Variants in PCDHA4 observed in about 807,000 individuals in gnomAD.
PCDHA4 encodes the protein protocadherin alpha 4.
In PCDHA4, 49 loss-of-function variants were observed where a neutral mutation model predicts 61.4. The observed-to-expected ratio is 0.80, with a 90% CI of 0.63 to 1.01. The LOEUF (loss-of-function observed/expected upper bound fraction) is 1.01, where lower values mean the gene tolerates loss of function less well. Among genes scored for constraint, PCDHA4 ranks in the 50% least tolerant of loss-of-function variants. The pLI, the probability that PCDHA4 is intolerant of heterozygous loss-of-function variation, is 0.00. For missense variants in PCDHA4, 1,254 were observed against 1,235.8 expected, an observed-to-expected ratio of 1.01 and a Z score of -0.22; for synonymous variants, 590 against 550.3, an observed-to-expected ratio of 1.07 and a Z score of -1.01.
intron 1 of PCDHA4, among the ~76,000 whole-genome samples, chr5:140,888,454 A>G (rs1167294283): frequency 6.6e-6 from 1 of 152,234 alleles, no homozygotes; most frequent in Non-Finnish European, 1.5e-5. Context: ...ATAAAGAATT[A>G]GCTCAAAATG....
intron 1 of PCDHA4, chr5:140,883,197 TC>T: frequency 6.2e-7 from 1 of 1,613,904 alleles, no homozygotes; most frequent in Admixed American, 1.7e-5. Context: ...AAACTAGATT[TC>T]GAAGAAAAGA....
chr5:140,818,627 A>C (rs1301617246), intron 1 of PCDHA4, among the ~76,000 whole-genome samples: 8 of 152,204 alleles, frequency 5.3e-5, no homozygotes, highest in African/African-American at 1.9e-4. Context: ...GCTTGAGCCC[A>C]GGAGTTCAAG....
At chr5:140,928,074 C>T (rs781992001) in intron 1 of PCDHA4, 1 of 1,614,216 alleles carries the variant, frequency 6.2e-7, no homozygotes, top group Admixed American at 1.7e-5. Flanking sequence ...TTGACAACTA[C>T]TACAGCCTGC....
chr5:140,961,027 C>G (rs1222428259), intron 1 of PCDHA4, among the ~76,000 whole-genome samples: 1 of 152,164 alleles, frequency 6.6e-6, no homozygotes, highest in Non-Finnish European at 1.5e-5. Flanking sequence ...CTTGCTACCT[C>G]CTTGTTTTGA....
intron 1 of PCDHA4, among the ~76,000 whole-genome samples, chr5:140,962,596 T>C (rs2095694957): frequency 6.6e-6 from 1 of 152,218 alleles, no homozygotes; most frequent in South Asian, 2.1e-4. Flanking sequence ...TTGACTGATA[T>C]ATTTCTTCTG....
intron 1 of PCDHA4, chr5:140,822,176 G>A (rs2150114361): frequency 6.2e-7 from 1 of 1,614,274 alleles, no homozygotes; most frequent in East Asian, 2.2e-5. Context: ...AGGTTCTCCA[G>A]ACAAGAACAA....
At chr5:141,005,442 G>A (rs529691807) in intron 3 of PCDHA4, among the ~76,000 whole-genome samples, 39 of 152,092 alleles carry the variant, frequency 2.6e-4, no homozygotes, top group Middle Eastern at 3.4e-3. Context: ...AGAGGCTCAC[G>A]CCTGTAATCC....
At chr5:140,869,615 G>A (rs373081906) in intron 1 of PCDHA4, 4 of 1,613,740 alleles carry the variant, frequency 2.5e-6, no homozygotes, top group East Asian at 4.5e-5. Flanking sequence ...TTGACCTACA[G>A]GCTAAGTAAA....
intron 1 of PCDHA4, chr5:140,836,284 C>T (rs2150256843): frequency 6.2e-7 from 1 of 1,613,808 alleles, no homozygotes; most frequent in South Asian, 1.1e-5. Context: ...ATCAGCACGA[C>T]ACGAGCCCTA....
chr5:140,850,928 T>A (rs2150502915), intron 1 of PCDHA4: 1 of 1,520,688 alleles, frequency 6.6e-7, no homozygotes, highest in Non-Finnish European at 8.8e-7. Context: ...ATATAATTTT[T>A]TTTCTTGAAA....
At chr5:140,830,022 G>A in intron 1 of PCDHA4, 2 of 1,613,860 alleles carry the variant, frequency 1.2e-6, no homozygotes, top group Non-Finnish European at 8.5e-7. Flanking sequence ...GACTCTCCGC[G>A]CCACCGGCTG....
At chr5:140,840,282 G>T (rs1294599981) in intron 1 of PCDHA4, among the ~76,000 whole-genome samples, 1 of 151,906 alleles carries the variant, frequency 6.6e-6, no homozygotes, top group Non-Finnish European at 1.5e-5. Context: ...TGGGTTTTGG[G>T]TGATTATTGA....
At position 140,982,581 on chromosome 5, in the gene PCDHA4, C is replaced by G. The variant is rs782060139; in HGVS notation, c.2533+18C>G. 6.2e-7 allele frequency: 1 copy of G among 1,612,214 alleles called. No homozygotes were observed. The highest frequency in any genetic ancestry group is 1.1e-5 in the South Asian group (1 of 90,796). The stretch of plus-strand genomic sequence containing the variant: ...AACACCAGGTAAAGAGCTGGGGTCT[C>G]TCCATTCTTTCTTGGTTTCTGGAAA... On this transcript the variant is annotated intron_variant, in intron 3 of 3. Transcript: ENST00000530339.
At chr5:141,007,395 C>CAAAAAA (rs35800918) in intron 3 of PCDHA4, among the ~76,000 whole-genome samples, 36 of 94,826 alleles carry the variant, frequency 3.8e-4, no homozygotes, top group African/African-American at 6.0e-4. Context: ...TACTAAAATA[C>CAAAAAA]AAAAAAAAAA....
At chr5:140,925,682 G>A (rs1554202871) in intron 1 of PCDHA4, among the ~76,000 whole-genome samples, 1 of 122,672 alleles carries the variant, frequency 8.2e-6, no homozygotes, top group Non-Finnish European at 1.8e-5. Context: ...ATAATAAAGC[G>A]AGGGTGGGTA....
At chr5:140,842,161 T>C in intron 1 of PCDHA4, 1 of 1,613,884 alleles carries the variant, frequency 6.2e-7, no homozygotes. Flanking sequence ...TTTCATATTC[T>C]TTTAATAGCC....
Position 140,808,468 on chromosome 5 carries a change from G to C in PCDHA4, c.1281G>C (p.Ala427=), listed in dbSNP as rs782622784. The C allele has an allele frequency of 4.3e-6, 7 of 1,614,178 alleles. No individual in the cohort carries two copies. The South Asian group carries it at 4.4e-5, about 10-fold the overall frequency. ...SVSAYELVVT[A]RDGGSPSLWA... is the part of the protein sequence containing the mutation. ...CAGCCTATGAGCTGGTGGTGACCGC[G>C]CGAGACGGGGGCTCGCCTTCGCTGT... The change falls in exon 1 of 4, where the codon GCG becomes GCC. Residue 427 remains alanine (A), a synonymous_variant. Coordinates refer to ENST00000530339, the MANE Select transcript of PCDHA4 (RefSeq NM_018907.4).
chr5:140,856,809 A>G lies in PCDHA4; in HGVS notation c.2385+47237A>G, dbSNP rs782118456. 11 of 1,594,544 alleles carry G rather than the reference A, an allele frequency of 6.9e-6. No homozygotes were observed. The African/African-American group carries it at 1.3e-4, about 20-fold the overall frequency. ...TATGAAGTTAAGATGTATGAAAATCAAGTGAACCAAACATTAGTAATACGG... is the reference window on the plus strand; with the variant it reads ...TATGAAGTTAAGATGTATGAAAATCGAGTGAACCAAACATTAGTAATACGG... On this transcript the variant is annotated intron_variant, in intron 1 of 3. Coordinates refer to ENST00000530339, the MANE Select transcript of PCDHA4 (RefSeq NM_018907.4).
chr5:140,924,900 A>T (rs622703), intron 1 of PCDHA4, among the ~76,000 whole-genome samples: 5 of 63,248 alleles, frequency 7.9e-5, no homozygotes, highest in Admixed American at 1.7e-4. Flanking sequence ...GTCTCAAAAA[A>T]AAAAATAAAA....
Sources: gnomAD v4.1 joint callset for allele counts (sites outside exome capture counted in the v4.1 genomes callset) on GRCh38, gnomAD v4.1.1 for gene constraint, MANE v1.5 for transcripts, NCBI Gene and HGNC (gene_info 2026-07-23, HGNC 2026-07-21) for gene names.